Variants in NAP1L1 observed in about 807,000 individuals in gnomAD.
The protein encoded by NAP1L1 is nucleosome assembly protein 1-like 1.
NAP1L1 carries 9 observed loss-of-function variants against 58.9 expected under a neutral mutation model. That is an observed-to-expected ratio of 0.15 (90% CI 0.09 to 0.27). NAP1L1 has a LOEUF of 0.27. Among genes scored for constraint, NAP1L1 ranks in the 10% least tolerant of loss-of-function variants. The probability of loss-of-function intolerance (pLI) is 1.00; values close to 1 mark genes in which losing one functional copy is unlikely to be tolerated. For missense variants in NAP1L1, 302 were observed against 458.8 expected, an observed-to-expected ratio of 0.66 and a Z score of 3.12; for synonymous variants, 130 against 138.3, an observed-to-expected ratio of 0.94 and a Z score of 0.42.
At chr12:76,079,239 G>A (rs899523570) in intron 1 of NAP1L1, among the ~76,000 whole-genome samples, 15 of 152,124 alleles carry the variant, frequency 9.9e-5, no homozygotes, top group Non-Finnish European at 1.8e-4. Flanking sequence ...TAAGAATGAA[G>A]GTGAGGCCAT....
chr12:76,056,430 A>G, intron 6 of NAP1L1: 1 of 376,380 alleles, frequency 2.7e-6, no homozygotes, highest in Non-Finnish European at 5.0e-6. Flanking sequence ...ATTAAAAATG[A>G]AGACTTAAGC....
chr12:76,048,537 G>A (rs1948680559), intron 14 of NAP1L1, 73 bp from the exon 15 acceptor site: 1 of 1,467,480 alleles, frequency 6.8e-7, no homozygotes, highest in Non-Finnish European at 9.5e-7. Flanking sequence ...AGTAATTACT[G>A]CCTTAATTAT....
At chr12:76,051,302 A>G (rs1476953347) in intron 11 of NAP1L1, among the ~76,000 whole-genome samples, 1 of 150,834 alleles carries the variant, frequency 6.6e-6, no homozygotes, top group African/African-American at 2.4e-5. Flanking sequence ...TCCTTTTAAA[A>G]TATTATTGAA....
rs952600053 is a variant in NAP1L1, at chr12:76,080,511, C to T, written c.-21+4056G>A. 4.6e-5 allele frequency among the ~76,000 whole-genome samples: 7 copies of T among 152,202 alleles called. No individual in the cohort carries two copies. In the South Asian group the frequency reaches 6.2e-4, roughly 14 times the overall value. On this transcript the variant is annotated intron_variant, in intron 1 of 14. Transcript: ENST00000618691. ...CATATAACCCAGGTATGTACTAGGCCGTACCATCTAGGTTTGTGTAAATAC... is the reference window on the plus strand; with the variant it reads ...CATATAACCCAGGTATGTACTAGGCTGTACCATCTAGGTTTGTGTAAATAC...
At chr12:76,059,500 A>G in intron 6 of NAP1L1, 1 of 300,016 alleles carries the variant, frequency 3.3e-6, no homozygotes, top group Non-Finnish European at 6.1e-6. Flanking sequence ...ATGAATTCGA[A>G]CTTTAAGTCA....
At position 76,044,614 on chromosome 12, in the gene NAP1L1, C is replaced by T. The variant is rs1427866501; in HGVS notation, c.*3815G>A. On this transcript the variant is annotated 3_prime_UTR_variant, in exon 15 of 15. Coordinates refer to ENST00000618691, the MANE Select transcript of NAP1L1 (RefSeq NM_004537.7). ...AAGATGTGTTTAATACTCCAATAAA[C>T]TCATAAAGCTGAAGTCTTAAGTCAA... The T allele has an allele frequency of 6.6e-6, 1 of 152,168 alleles. No individual in the cohort carries two copies. Among genetic ancestry groups the T allele is most frequent in the African/African-American group, 2.4e-5 (1 of 41,426 alleles). The allele number at this position is 152,168 out of a possible 1,614,324, so 9.4% of individuals were successfully genotyped here. A position where few individuals can be genotyped will look rare whatever the true frequency, so the allele number is the denominator to read the frequency against.
chr12:76,053,710 C>G, intron 9 of NAP1L1, 60 bp downstream of exon 9: 1 of 1,559,526 alleles, frequency 6.4e-7, no homozygotes, highest in Non-Finnish European at 8.7e-7. Flanking sequence ...ACCGAGTATA[C>G]AAATCAAGTA....
intron 6 of NAP1L1, chr12:76,059,582 T>TG (rs1410592121): frequency 2.2e-5 from 10 of 459,216 alleles, no homozygotes; most frequent in Non-Finnish European, 3.4e-5. Flanking sequence ...TTAGAACCCA[T>TG]GAAACCGCTG....
chr12:76,076,671 C>A (rs888918390), intron 1 of NAP1L1, among the ~76,000 whole-genome samples: 1 of 149,450 alleles, frequency 6.7e-6, no homozygotes, highest in Admixed American at 6.7e-5. Context: ...ACCAGAGTAA[C>A]CTAATGAGAA....
At chr12:76,050,815 A>G (rs548376770) in intron 11 of NAP1L1, among the ~76,000 whole-genome samples, 162 bp from the exon 12 acceptor site, 1 of 152,244 alleles carries the variant, frequency 6.6e-6, no homozygotes, top group South Asian at 2.1e-4. Context: ...GAAGTTCAAG[A>G]GCAACCTAAG....
Position 76,053,306 on chromosome 12 carries a change from G to A in NAP1L1, c.815C>T (p.Thr272Ile). The A allele has an allele frequency of 6.2e-7, 1 of 1,613,922 alleles. No homozygotes were observed. Among genetic ancestry groups the A allele is most frequent in the Non-Finnish European group, 8.5e-7 (1 of 1,179,908 alleles). ...CTTGTGTTTCTGCTTCTTCTTAATA[G>A]TTTTCAAAGTGACATTCTTTCCTTT... ...WKKGKNVTLK[T>I]IKKKQKHKGR... is the part of the protein sequence containing the mutation. The change falls in exon 10 of 15, where the codon ACT becomes ATT. Residue 272 changes from threonine to isoleucine, a missense_variant. By Grantham distance (89) the Thr-to-Ile change is moderately conservative. Transcript: ENST00000618691.
intron 11 of NAP1L1, among the ~76,000 whole-genome samples, chr12:76,052,535 A>G (rs1398647224): frequency 6.6e-6 from 1 of 152,194 alleles, no homozygotes; most frequent in Non-Finnish European, 1.5e-5. Context: ...TATTTAAACT[A>G]TCTCAGTTAA....
chr12:76,070,226 A>C (rs1156411440), intron 2 of NAP1L1, among the ~76,000 whole-genome samples: 2 of 152,044 alleles, frequency 1.3e-5, no homozygotes, highest in African/African-American at 2.4e-5. Context: ...AAGCTCAAGC[A>C]ATTCTCGTGC....
intron 9 of NAP1L1, 104 bp downstream of exon 9, chr12:76,053,666 A>T: frequency 1.5e-6 from 2 of 1,343,820 alleles, no homozygotes; most frequent in Admixed American, 2.6e-5. Context: ...CAAAATGTTC[A>T]GAGACAGACT....
chr12:76,061,497 A>G (rs1949414627), intron 4 of NAP1L1, among the ~76,000 whole-genome samples: 1 of 152,222 alleles, frequency 6.6e-6, no homozygotes, highest in Non-Finnish European at 1.5e-5. Context: ...CGTGGTGTAT[A>G]CATTTTCTGT....
chr12:76,040,116 A>G lies in NAP1L1; in HGVS notation c.*8313T>C, dbSNP rs559105633. The G allele has an allele frequency of 3.3e-5, 5 of 152,264 alleles. No individual in the cohort carries two copies. The highest frequency in any genetic ancestry group is 1.9e-4 in the East Asian group (1 of 5,176). The allele number at this position is 152,264 out of a possible 1,614,324, so 9.4% of individuals were successfully genotyped here. A position where few individuals can be genotyped will look rare whatever the true frequency, so the allele number is the denominator to read the frequency against. ...TATAATTCAAGTAAAAGATTCCAAAATGATGGGGAAAAGCATATGTTTTTC... is the reference window on the plus strand; with the variant it reads ...TATAATTCAAGTAAAAGATTCCAAAGTGATGGGGAAAAGCATATGTTTTTC... On this transcript the variant is annotated 3_prime_UTR_variant, in exon 15 of 15. Transcript: ENST00000618691.
At chr12:76,077,710 G>A (rs866379863) in intron 1 of NAP1L1, among the ~76,000 whole-genome samples, 6 of 152,004 alleles carry the variant, frequency 3.9e-5, no homozygotes, top group Admixed American at 3.3e-4. Context: ...ATGGCCGGAC[G>A]CAGTGGCTCA....
chr12:76,057,605 T>C, intron 6 of NAP1L1: 2 of 1,160,456 alleles, frequency 1.7e-6, no homozygotes, highest in South Asian at 2.6e-5. Context: ...AGAGCCAAGT[T>C]AGATGCTGAT....
Position 76,074,244 on chromosome 12 carries a change from GGAGA to G in NAP1L1, c.-20-9_-20-6del. ...TGTTGTAAGAACTCCAAATATCTATGGAGAGAAACATCAATGTTAAAAAAAAAGT... is the reference window on the plus strand; with the variant it reads ...TGTTGTAAGAACTCCAAATATCTATGGAAACATCAATGTTAAAAAAAAAGT... On this transcript the variant is annotated splice_region_variant and splice_polypyrimidine_tract_variant and intron_variant, in intron 1 of 14. Transcript: ENST00000618691. The G allele has an allele frequency of 6.4e-7, 1 of 1,571,728 alleles. No individual in the cohort carries two copies. Among genetic ancestry groups the G allele is most frequent in the Non-Finnish European group, 8.6e-7 (1 of 1,164,696 alleles).
Sources: gnomAD v4.1 joint callset for allele counts (sites outside exome capture counted in the v4.1 genomes callset) on GRCh38, gnomAD v4.1.1 for gene constraint, MANE v1.5 for transcripts, NCBI Gene and HGNC (gene_info 2026-07-23, HGNC 2026-07-21) for gene names.